ZNF438: variants seen among roughly 807,000 people sequenced by gnomAD.
ZNF438 encodes the protein zinc finger protein 438.
In ZNF438, 25 loss-of-function variants were observed where a neutral mutation model predicts 38.0. That is an observed-to-expected ratio of 0.66 (90% CI 0.48 to 0.92). The LOEUF is 0.92. Among genes scored for constraint, ZNF438 ranks in the 40% least tolerant of loss-of-function variants. ZNF438 has a pLI of 0.00. For missense variants in ZNF438, 1,007 were observed against 999.6 expected (o/e 1.01, Z -0.10); for synonymous variants, 372 against 364.1 (o/e 1.02, Z -0.25).
intron 1 of ZNF438, among the ~76,000 whole-genome samples, chr10:30,977,605 T>C (rs1397754793): frequency 6.6e-6 from 1 of 152,174 alleles, no homozygotes; most frequent in Non-Finnish European, 1.5e-5. Flanking sequence ...AGCCACATGT[T>C]GCTGTAAAAG....
intron 1 of ZNF438, among the ~76,000 whole-genome samples, chr10:30,942,669 A>C (rs931536985): frequency 2.0e-5 from 3 of 152,176 alleles, no homozygotes; most frequent in Admixed American, 2.0e-4. Context: ...GAAATCAATC[A>C]ATCCGATGAC....
chr10:30,913,555 T>C (rs75040188), intron 2 of ZNF438, among the ~76,000 whole-genome samples: 1,912 of 152,184 alleles, frequency 0.013, 56 homozygotes, highest in African/African-American at 0.043. Flanking sequence ...TTGGTACTCA[T>C]CATCTTACCC....
chr10:31,002,732 TATATAA>T (rs2054776695), intron 1 of ZNF438, among the ~76,000 whole-genome samples: 2 of 152,330 alleles, frequency 1.3e-5, no homozygotes, highest in Non-Finnish European at 2.9e-5. Flanking sequence ...CAGGTTCCCT[TATATAA>T]CAATACGGAG....
intron 1 of ZNF438, among the ~76,000 whole-genome samples, chr10:30,942,542 G>C (rs2046925960): frequency 6.6e-6 from 1 of 152,214 alleles, no homozygotes; most frequent in Admixed American, 6.5e-5. Flanking sequence ...GCAAGACTGA[G>C]ACGTGAAACC....
At chr10:30,904,766 G>A (rs1229383712) in intron 3 of ZNF438, among the ~76,000 whole-genome samples, 1 of 151,946 alleles carries the variant, frequency 6.6e-6, no homozygotes, top group East Asian at 1.9e-4. Flanking sequence ...ACACCTGTTG[G>A]CCCCCCATTT....
In ZNF438 at chr10:30,988,393, G is replaced by A. The variant is rs559434940; in HGVS notation, c.-192+43440C>T. Among the ~76,000 whole-genome samples the A allele has an allele frequency of 2.5e-4, 38 of 151,936 alleles. No homozygotes were observed. In the South Asian group the frequency reaches 5.8e-3, roughly 23 times the overall value. On this transcript the variant is annotated intron_variant, in intron 1 of 5. Coordinates refer to ENST00000413025, the Ensembl canonical transcript of ZNF438. ...AAGCAATTAAAGATAAAATACAACC[G>A]TATTTTTAAAATTTTTTTTCCAGGA... is the stretch of plus-strand genomic sequence containing the variant.
chr10:30,845,081 C>T, exon 6 of ZNF438: 1 of 1,614,164 alleles, frequency 6.2e-7, no homozygotes, highest in Middle Eastern at 1.7e-4. Flanking sequence ...GGAGGAGGTC[C>T]TCTTTCCGTC....
chr10:30,943,480 C>T (rs1387524840), intron 1 of ZNF438, among the ~76,000 whole-genome samples: 1 of 152,072 alleles, frequency 6.6e-6, no homozygotes, highest in Non-Finnish European at 1.5e-5. Context: ...AAGAAGAAAA[C>T]AGAAAAGAGG....
intron 1 of ZNF438, among the ~76,000 whole-genome samples, chr10:31,014,729 C>A (rs2056036706): frequency 6.6e-6 from 1 of 152,170 alleles, no homozygotes; most frequent in Non-Finnish European, 1.5e-5. Flanking sequence ...GTACTTACCA[C>A]ATAAATCTGT....
chr10:30,888,544 A>G (rs564200859), intron 3 of ZNF438, among the ~76,000 whole-genome samples: 1 of 152,076 alleles, frequency 6.6e-6, no homozygotes, highest in Non-Finnish European at 1.5e-5. Context: ...TCTACCCTCA[A>G]GTAGGCTCCA....
chr10:31,010,923 G>A (rs1018721663), intron 1 of ZNF438, among the ~76,000 whole-genome samples: 1,318 of 94,650 alleles, frequency 0.014, 21 homozygotes, highest in East Asian at 0.12. Flanking sequence ...AAAAAAAAAA[G>A]ATTTTGTTGA....
intron 2 of ZNF438, among the ~76,000 whole-genome samples, chr10:30,924,208 G>T (rs371798165): frequency 1.3e-5 from 2 of 152,300 alleles, no homozygotes; most frequent in East Asian, 3.9e-4. Context: ...TCTAGGTCCT[G>T]ATGTTGCACT....
chr10:30,889,974 T>C (rs752749292), intron 3 of ZNF438, among the ~76,000 whole-genome samples: 1 of 151,290 alleles, frequency 6.6e-6, no homozygotes. Flanking sequence ...TACTACATGC[T>C]GAAAATACTT....
At chr10:30,973,654 A>G (rs1357645703) in intron 1 of ZNF438, among the ~76,000 whole-genome samples, 1 of 152,210 alleles carries the variant, frequency 6.6e-6, no homozygotes, top group African/African-American at 2.4e-5. Context: ...GGGAAATAAA[A>G]CTTTTCAACT....
chr10:30,957,057 GTTA>G (rs2048940105), intron 1 of ZNF438, among the ~76,000 whole-genome samples: 1 of 152,060 alleles, frequency 6.6e-6, no homozygotes, highest in South Asian at 2.1e-4. Context: ...GCCAGGACTT[GTTA>G]TTGTCTTTTT....
intron 1 of ZNF438, among the ~76,000 whole-genome samples, chr10:31,007,435 C>T (rs983691354): frequency 9.9e-5 from 15 of 152,114 alleles, no homozygotes; most frequent in African/African-American, 3.6e-4. Flanking sequence ...GTGCACGCCA[C>T]CATGCCCTGC....
At position 30,882,921 on chromosome 10, in the gene ZNF438, C is replaced by CT. The variant is rs150430142; in HGVS notation, c.-31-5857dup. ...AATATTGGGAAAAAATTTAAAAATT[C>CT]TAATAGACATACAGACATACATTTA... On this transcript the variant is annotated intron_variant, in intron 3 of 5. Coordinates refer to ENST00000413025, the Ensembl canonical transcript of ZNF438. 4.7e-3 allele frequency among the ~76,000 whole-genome samples: 713 copies of CT among 152,196 alleles called. 13 individuals are homozygous for CT. Among genetic ancestry groups the CT allele is most frequent in the Middle Eastern group, 0.024 (7 of 294 alleles).
intron 4 of ZNF438, chr10:30,857,784 G>C: frequency 7.1e-7 from 1 of 1,409,854 alleles, no homozygotes; most frequent in Non-Finnish European, 9.4e-7. Context: ...TGGATCTGAT[G>C]GATATCATTT....
chr10:31,018,183 A>G (rs1298187156), intron 1 of ZNF438, among the ~76,000 whole-genome samples: 2 of 152,148 alleles, frequency 1.3e-5, no homozygotes, highest in Non-Finnish European at 2.9e-5. Flanking sequence ...TGGCACAGAG[A>G]AGCAATTTTT....
Sources: gnomAD v4.1 joint callset for allele counts (sites outside exome capture counted in the v4.1 genomes callset) on GRCh38, gnomAD v4.1.1 for gene constraint, MANE v1.5 for transcripts, NCBI Gene and HGNC (gene_info 2026-07-23, HGNC 2026-07-21) for gene names.